ITPK1: variants seen among roughly 807,000 people sequenced by gnomAD.
ITPK1 encodes inositol-tetrakisphosphate 1-kinase.
In ITPK1, 21 loss-of-function variants were observed where a neutral mutation model predicts 45.3. The observed-to-expected ratio is 0.46, with a 90% CI of 0.33 to 0.67. The LOEUF (loss-of-function observed/expected upper bound fraction) is 0.67, where lower values mean the gene tolerates loss of function less well. ITPK1 is among the 30% of genes least tolerant of loss of function. The pLI is 0.02. For missense variants in ITPK1, 474 were observed against 573.5 expected, an observed-to-expected ratio of 0.83 and a Z score of 1.77; for synonymous variants, 258 against 253.6, an observed-to-expected ratio of 1.02 and a Z score of -0.16.
intron 7 of ITPK1, among the ~76,000 whole-genome samples, chr14:92,960,361 G>A (rs539943293): frequency 3.7e-4 from 56 of 152,314 alleles, no homozygotes; most frequent in African/African-American, 1.3e-3. Flanking sequence ...CCTTCAGCAA[G>A]TACCGGGCAA....
rs1367639231 is a variant in ITPK1, at chr14:92,937,209, ATG to A, written c.*4350_*4351del. ...ATACATGGTCATGTATATTATGCAT[ATG>A]TATGTACACAAATTAAGTACGAACC... On this transcript the variant is annotated 3_prime_UTR_variant, in exon 11 of 11. Transcript: ENST00000267615. 6.6e-6 allele frequency: 1 copy of A among 152,270 alleles called. No homozygotes were observed. The highest frequency in any genetic ancestry group is 1.5e-5 in the Non-Finnish European group (1 of 68,048). The allele number at this position is 152,270 out of a possible 1,614,324, so 9.4% of individuals were successfully genotyped here.
rs1887305389 is a variant in ITPK1 at position 92,940,458 on chromosome 14, G to A, written c.*1103C>T. On this transcript the variant is annotated 3_prime_UTR_variant, in exon 11 of 11. Transcript: ENST00000267615. ...TGTGCAGAAGCGATGGGGGGCGGGTGGCTCCCTGGCACCTGCTGGCTCAGT... is the reference window on the plus strand; with the variant it reads ...TGTGCAGAAGCGATGGGGGGCGGGTAGCTCCCTGGCACCTGCTGGCTCAGT... 1 of 1,117,384 alleles carries A rather than the reference G, an allele frequency of 8.9e-7. No individual in the cohort carries two copies. The highest frequency in any genetic ancestry group is 1.1e-6 in the Non-Finnish European group (1 of 905,628). 69.2% of individuals were successfully genotyped at this position (1,117,384 alleles called of 1,614,324 possible).
At position 92,958,277 on chromosome 14, in the gene ITPK1, G is replaced by A. The variant is rs1884853868; in HGVS notation, c.594C>T (p.Tyr198=). The A allele has an allele frequency of 6.2e-7, 1 of 1,613,548 alleles. No individual in the cohort carries two copies. The highest frequency in any genetic ancestry group is 1.7e-5 in the Admixed American group (1 of 59,966). ...QNFINHNAVL[Y]KVFVVGESYT... Reference sequence around the variant, plus strand: ...AGGACTCGCCAACCACGAACACCTTGTACAGGACGGCGTTGTGGTTGATGA... The same window carrying A: ...AGGACTCGCCAACCACGAACACCTTATACAGGACGGCGTTGTGGTTGATGA... Residue 198 remains tyrosine (Y), a synonymous_variant, in exon 8 of 11, where the codon TAC becomes TAT. Coordinates refer to ENST00000267615, the MANE Select transcript of ITPK1 (RefSeq NM_014216.6). The surrounding 1 kb of genome is among the most constrained non-coding windows in gnomAD (Gnocchi z 4.4).
At chr14:92,999,397 T>C (rs747200572) in intron 4 of ITPK1, among the ~76,000 whole-genome samples, 6 of 152,270 alleles carry the variant, frequency 3.9e-5, no homozygotes, top group Non-Finnish European at 7.3e-5. Context: ...AGCTTGCTCC[T>C]TCCTTCACTC....
intron 5 of ITPK1, among the ~76,000 whole-genome samples, chr14:92,972,251 G>A (rs1399377767): frequency 6.6e-6 from 1 of 152,180 alleles, no homozygotes; most frequent in Non-Finnish European, 1.5e-5. Flanking sequence ...TGATATTGAA[G>A]CCCCAATCCC....
At chr14:92,961,221 C>T (rs1217317241) in intron 7 of ITPK1, among the ~76,000 whole-genome samples, 1 of 152,204 alleles carries the variant, frequency 6.6e-6, no homozygotes, top group Non-Finnish European at 1.5e-5. Flanking sequence ...TGGGGAGACC[C>T]CAGGCAGTGC....
At chr14:92,959,747 A>G (rs1180534019) in intron 7 of ITPK1, among the ~76,000 whole-genome samples, 1 of 152,118 alleles carries the variant, frequency 6.6e-6, no homozygotes, top group African/African-American at 2.4e-5. Context: ...GCAAATGAGT[A>G]CCCTCACACT....
intron 3 of ITPK1, among the ~76,000 whole-genome samples, chr14:93,045,236 CT>C (rs2139918749): frequency 6.6e-6 from 1 of 152,394 alleles, no homozygotes; most frequent in African/African-American, 2.4e-5. Context: ...CCTCAGGCCC[CT>C]GTCCCTGCCA....
intron 3 of ITPK1, among the ~76,000 whole-genome samples, chr14:93,064,010 A>G (rs1366750078): frequency 1.3e-5 from 2 of 151,820 alleles, no homozygotes; most frequent in Non-Finnish European, 2.9e-5. Flanking sequence ...TTGGCCGGGC[A>G]TGGTGGCTCA....
intron 3 of ITPK1, among the ~76,000 whole-genome samples, chr14:93,026,563 T>C (rs1167200890): frequency 6.6e-6 from 1 of 152,186 alleles, no homozygotes; most frequent in Non-Finnish European, 1.5e-5. Flanking sequence ...AAGTTGGTAA[T>C]ATCCATCACA....
intron 4 of ITPK1, among the ~76,000 whole-genome samples, chr14:92,996,821 A>G (rs1887080195): frequency 6.6e-6 from 1 of 152,168 alleles, no homozygotes. Context: ...TATGTGACCT[A>G]GAGTCAAGAA....
chr14:93,062,821 C>G (rs1890588142), intron 3 of ITPK1, among the ~76,000 whole-genome samples: 5 of 152,228 alleles, frequency 3.3e-5, no homozygotes, highest in Non-Finnish European at 7.3e-5. Flanking sequence ...GGCGTTTCAT[C>G]TTCTCCCCAA....
chr14:93,096,996 T>C (rs1435727466), intron 2 of ITPK1, among the ~76,000 whole-genome samples: 2 of 152,196 alleles, frequency 1.3e-5, no homozygotes, highest in Non-Finnish European at 1.5e-5. Flanking sequence ...TCGGTAGAGC[T>C]GGGCACACAG....
At chr14:93,018,802 G>T (rs185108739) in intron 3 of ITPK1, among the ~76,000 whole-genome samples, 1 of 152,164 alleles carries the variant, frequency 6.6e-6, no homozygotes, top group Non-Finnish European at 1.5e-5. Flanking sequence ...GGACACCAAC[G>T]GCCCAGGAAG....
chr14:93,013,290 C>G, intron 4 of ITPK1, among the ~76,000 whole-genome samples: 1 of 143,362 alleles, frequency 7.0e-6, no homozygotes, highest in East Asian at 2.1e-4. Flanking sequence ...ACACAAAAAA[C>G]AAACAAACAA....
In ITPK1 at chr14:93,076,152, T is replaced by G. The variant is rs1891210721; in HGVS notation, c.120+443A>C. 6.6e-6 allele frequency among the ~76,000 whole-genome samples: 1 copy of G among 151,342 alleles called. No individual in the cohort carries two copies. The highest frequency in any genetic ancestry group is 2.4e-5 in the African/African-American group (1 of 41,108). ...ACCTTTCCCCTCCCTCCAAGATCCT[T>G]CCTTCCCCCTCCATCCATTCTTCCT... On this transcript the variant is annotated intron_variant, in intron 3 of 10. Coordinates refer to ENST00000267615, the MANE Select transcript of ITPK1 (RefSeq NM_014216.6). The surrounding 1 kb of genome is among the most constrained non-coding windows in gnomAD (Gnocchi z 4.3).
At chr14:93,110,310 C>T (rs1251559824) in intron 2 of ITPK1, among the ~76,000 whole-genome samples, 1 of 152,178 alleles carries the variant, frequency 6.6e-6, no homozygotes, top group Non-Finnish European at 1.5e-5. Flanking sequence ...AGCACCTCTT[C>T]CCACCTCTGC....
chr14:93,046,238 C>T (rs1344511615), intron 3 of ITPK1, among the ~76,000 whole-genome samples: 1 of 152,194 alleles, frequency 6.6e-6, no homozygotes, highest in Admixed American at 6.5e-5. Flanking sequence ...ATGCACAAAC[C>T]CACTCACAGA....
chr14:93,008,014 A>G (rs555547056), intron 4 of ITPK1, among the ~76,000 whole-genome samples: 1 of 152,330 alleles, frequency 6.6e-6, no homozygotes, highest in East Asian at 1.9e-4. Flanking sequence ...GGCTCCTGCC[A>G]GCCCACTGCA....
Sources: allele counts gnomAD v4.1 joint callset (sites outside exome capture counted in the v4.1 genomes callset), GRCh38; gene constraint gnomAD v4.1.1; non-coding constraint Gnocchi (gnomAD v3.1); transcripts MANE v1.5; gene names NCBI Gene and HGNC (gene_info 2026-07-23, HGNC 2026-07-21).